PCDHA7: variants seen among roughly 807,000 people sequenced by gnomAD.
PCDHA7 encodes protocadherin alpha-7.
In PCDHA7, 37 loss-of-function variants were observed where a neutral mutation model predicts 57.2. The observed-to-expected ratio is 0.65, with a 90% CI of 0.50 to 0.85. The LOEUF (loss-of-function observed/expected upper bound fraction) is 0.85. PCDHA7 is among the 40% of genes least tolerant of loss of function. PCDHA7 has a pLI of 0.00. For synonymous variants in PCDHA7, 553 were observed against 558.8 expected, an observed-to-expected ratio of 0.99 and a Z score of 0.15; for missense variants, 1,188 against 1,241.8, an observed-to-expected ratio of 0.96 and a Z score of 0.65.
chr5:140,971,787 A>G (rs1554233619), intron 1 of PCDHA7, among the ~76,000 whole-genome samples: 5 of 152,124 alleles, frequency 3.3e-5, no homozygotes, highest in Admixed American at 1.3e-4. Context: ...AGATTATTCA[A>G]TATATTGAAT....
intron 1 of PCDHA7, among the ~76,000 whole-genome samples, chr5:140,957,164 T>C (rs2095337835): frequency 6.6e-6 from 1 of 152,148 alleles, no homozygotes; most frequent in Non-Finnish European, 1.5e-5. Flanking sequence ...CAAATCTAAG[T>C]ATATAAATTG....
intron 1 of PCDHA7, chr5:140,882,682 A>G (rs782727780): frequency 9.3e-6 from 15 of 1,614,080 alleles, no homozygotes; most frequent in Admixed American, 3.3e-5. Context: ...AAAGCAAGAA[A>G]CGAATAATCA....
chr5:140,881,695 T>G (rs576802700), intron 1 of PCDHA7, among the ~76,000 whole-genome samples: 1 of 152,318 alleles, frequency 6.6e-6, no homozygotes, highest in East Asian at 1.9e-4. Flanking sequence ...CCTTTTGGAG[T>G]CAATGGCTGT....
intron 1 of PCDHA7, chr5:140,847,497 A>G (rs1331989915): frequency 3.3e-5 from 5 of 149,972 alleles, no homozygotes; most frequent in African/African-American, 1.2e-4. Context: ...AAAACTCACA[A>G]CAAAACTTTG....
intron 1 of PCDHA7, among the ~76,000 whole-genome samples, chr5:140,890,939 G>A (rs1236920048): frequency 6.6e-6 from 1 of 152,106 alleles, no homozygotes; most frequent in Admixed American, 6.6e-5. Flanking sequence ...GTCCAAAGAT[G>A]CTGGTGAGGA....
chr5:140,982,264 TG>T, intron 2 of PCDHA7: 1 of 865,882 alleles, frequency 1.2e-6, no homozygotes, highest in Non-Finnish European at 1.7e-6. Flanking sequence ...TGTGTGTTCC[TG>T]GAATAGTATA....
chr5:140,903,765 C>G (rs782453519), intron 1 of PCDHA7, among the ~76,000 whole-genome samples: 1 of 152,086 alleles, frequency 6.6e-6, no homozygotes. Flanking sequence ...TTTTGCTGAA[C>G]TTTTCTATCC....
At chr5:140,857,375 G>A (rs1554149916) in intron 1 of PCDHA7, 2 of 1,598,360 alleles carry the variant, frequency 1.3e-6, no homozygotes, top group Non-Finnish European at 1.7e-6. Context: ...CGTGTCTGTG[G>A]AGGTGGCCGA....
intron 1 of PCDHA7, among the ~76,000 whole-genome samples, chr5:140,978,085 C>T (rs1056593415): frequency 2.2e-4 from 33 of 152,186 alleles, no homozygotes; most frequent in African/African-American, 8.0e-4. Flanking sequence ...AGCTTCTAAC[C>T]AGCACATAAC....
In PCDHA7 at chr5:140,848,468, C is replaced by G. The variant is rs983897735; in HGVS notation, c.2355+11730C>G. 7.1e-6 allele frequency: 11 copies of G among 1,547,824 alleles called. 2 individuals are homozygous for G. Among genetic ancestry groups the G allele is most frequent in the Non-Finnish European group, 9.6e-6 (11 of 1,140,172 alleles). On this transcript the variant is annotated intron_variant, in intron 1 of 3. Transcript: ENST00000525929. The stretch of plus-strand genomic sequence containing the variant: ...TCTTCTAATTTGGAGGCAATTTTCA[C>G]TAATTAGAAGAAGACTGAGTATTTG...
In PCDHA7 at chr5:140,857,722, C is replaced by A. The variant is rs371525843; in HGVS notation, c.2355+20984C>A. The A allele has an allele frequency of 6.9e-6, 11 of 1,597,318 alleles. 1 individual carries two copies. Among genetic ancestry groups the A allele is most frequent in the Non-Finnish European group, 9.4e-6 (11 of 1,167,728 alleles). On this transcript the variant is annotated intron_variant, in intron 1 of 3. Coordinates refer to ENST00000525929, the MANE Select transcript of PCDHA7 (RefSeq NM_018910.3). ...TGCAGGTGTTCGTGCTGGACGAGAA[C>A]GACAACGCTCCCGCGCTGCTGGCGT... is the stretch of plus-strand genomic sequence containing the variant.
chr5:140,848,811 C>T (rs2150421189), intron 1 of PCDHA7: 1 of 1,591,760 alleles, frequency 6.3e-7, no homozygotes, highest in Non-Finnish European at 8.6e-7. Flanking sequence ...CAGCATCCAC[C>T]TGGAGGTGAT....
intron 1 of PCDHA7, among the ~76,000 whole-genome samples, chr5:140,924,976 C>T (rs1376073492): frequency 6.6e-6 from 1 of 151,048 alleles, no homozygotes; most frequent in Non-Finnish European, 1.5e-5. Context: ...TGCAGTGGCT[C>T]ATGTCTGTAA....
rs1554149884 is a variant in PCDHA7, at chr5:140,857,345, C to T, written c.2355+20607C>T. Reference sequence around the variant, plus strand: ...GACCGCGCGGGACGGGGGCTCGCCTCCGCTGTGGGCCACGGCCAGCGTGTC... The same window carrying T: ...GACCGCGCGGGACGGGGGCTCGCCTTCGCTGTGGGCCACGGCCAGCGTGTC... On this transcript the variant is annotated intron_variant, in intron 1 of 3. Coordinates refer to ENST00000525929, the MANE Select transcript of PCDHA7 (RefSeq NM_018910.3). The T allele has an allele frequency of 5.6e-6, 9 of 1,598,348 alleles. No homozygotes were observed. The Admixed American group carries it at 6.7e-5, about 12-fold the overall frequency.
chr5:140,993,462 T>TCACACACACACA (rs3836747), intron 3 of PCDHA7, among the ~76,000 whole-genome samples: 55 of 141,044 alleles, frequency 3.9e-4, no homozygotes, highest in Non-Finnish European at 5.3e-4. Context: ...TCTTTCTTTC[T>TCACACACACACA]CACACACACA....
At chr5:140,865,173 T>C (rs1230117656) in intron 1 of PCDHA7, 1 of 152,234 alleles carries the variant, frequency 6.6e-6, no homozygotes, top group African/African-American at 2.4e-5. Context: ...TGATGCAAAA[T>C]ATTTTTTGCC....
In PCDHA7 at chr5:140,850,851, A is replaced by G. The variant is rs1052562243; in HGVS notation, c.2355+14113A>G. On this transcript the variant is annotated intron_variant, in intron 1 of 3. Transcript: ENST00000525929. ...TCCTTGTGCTGGATCTACAGAGCGA[A>G]CGGGAGAACCCTCTGCTTCCTCAGA... The G allele has an allele frequency of 3.1e-6, 5 of 1,595,924 alleles. No homozygotes were observed. Among genetic ancestry groups the G allele is most frequent in the Non-Finnish European group, 3.4e-6 (4 of 1,165,934 alleles).
chr5:140,861,332 G>A (rs2046864240), intron 1 of PCDHA7: 1 of 247,774 alleles, frequency 4.0e-6, no homozygotes, highest in African/African-American at 2.3e-5. Context: ...CACCATCCTG[G>A]AAGAGGCCAA....
At chr5:140,951,672 T>C (rs1242247980) in intron 1 of PCDHA7, among the ~76,000 whole-genome samples, 1 of 152,114 alleles carries the variant, frequency 6.6e-6, no homozygotes, top group Non-Finnish European at 1.5e-5. Flanking sequence ...GCCTACAAAA[T>C]TGGGGATTAC....
Sources: allele counts gnomAD v4.1 joint callset (sites outside exome capture counted in the v4.1 genomes callset), GRCh38; gene constraint gnomAD v4.1.1; transcripts MANE v1.5; gene names NCBI Gene and HGNC (gene_info 2026-07-23, HGNC 2026-07-21).